Variants in GSTM2 observed in about 807,000 individuals in gnomAD.
GSTM2 encodes the protein glutathione S-transferase mu 2.
Under a neutral mutation model 33.3 loss-of-function variants are expected in GSTM2, and 33 were observed. The ratio of observed to expected loss-of-function variants is 0.99; its 90% CI spans 0.75 to 1.33. GSTM2 has a LOEUF of 1.33. Among genes scored for constraint, GSTM2 ranks in the 40% most tolerant of loss-of-function variants. The pLI, the probability that GSTM2 is intolerant of heterozygous loss-of-function variation, is 0.00. For missense variants in GSTM2, 213 were observed against 265.8 expected (o/e 0.80, Z 1.38); for synonymous variants, 93 against 95.6 (o/e 0.97, Z 0.16).
In GSTM2 at chr1:109,668,757, A is replaced by G; in HGVS notation, c.113-168A>G. ...GAAGCCTTAGCTGTGTGGGGTCCAG[A>G]GCCCTCACTGGAATTCTTTTTCTCT... On this transcript the variant is annotated intron_variant, in intron 2 of 7. Transcript: ENST00000241337. The G allele has an allele frequency of 3.4e-6, 3 of 879,338 alleles. No homozygotes were observed. The South Asian group carries it at 4.6e-5, about 13-fold the overall frequency. The allele number at this position is 879,338 out of a possible 1,614,324, so 54.5% of individuals were successfully genotyped here.
At chr1:109,674,681 G>A in intron 7 of GSTM2, 66 bp from the exon 8 acceptor site, 6 of 1,612,084 alleles carry the variant, frequency 3.7e-6, no homozygotes, top group Non-Finnish European at 5.1e-6. Flanking sequence ...TGTGTCTGCA[G>A]TGGGGTTGTG....
chr1:109,672,917 C>T (rs144708294), intron 7 of GSTM2, among the ~76,000 whole-genome samples: 2,066 of 150,004 alleles, frequency 0.014, 47 homozygotes, highest in African/African-American at 0.045. Context: ...TCACCCAGGC[C>T]GGAGTGCAGT....
intron 5 of GSTM2, 31 bp downstream of exon 5, chr1:109,669,602 C>T (rs1410983980): frequency 7.6e-7 from 1 of 1,321,934 alleles, no homozygotes; most frequent in South Asian, 1.2e-5. Flanking sequence ...CCCAGTCTCC[C>T]CTTCCCTACT....
rs140199111 is a variant in GSTM2 at position 109,668,149 on chromosome 1, G to T, written c.34G>T (p.Gly12Trp). The change falls in exon 1 of 8, where the codon GGG becomes TGG. Residue 12 changes from glycine to tryptophan, a missense_variant and splice_region_variant. Transcript: ENST00000241337. The stretch of plus-strand genomic sequence containing the variant: ...GACACTGGGGTACTGGAACATCCGC[G>T]GGGTGAGCCAGGGTCCGCTGGGCGG... The part of the protein sequence containing the change: ...PMTLGYWNIR[G>W]LAHSIRLLLE... 3.1e-6 allele frequency: 5 copies of T among 1,613,536 alleles called. No homozygotes were observed. In the African/African-American group the frequency reaches 6.7e-5, roughly 22 times the overall value.
intron 7 of GSTM2, among the ~76,000 whole-genome samples, chr1:109,671,998 A>G (rs1253215747): frequency 2.2e-5 from 3 of 138,518 alleles, no homozygotes; most frequent in African/African-American, 8.2e-5. Flanking sequence ...AAAAAAAAGG[A>G]GCCGGGCATG....
chr1:109,680,084 C>T (rs1373489493), downstream of GSTM2, among the ~76,000 whole-genome samples: 1 of 151,326 alleles, frequency 6.6e-6, no homozygotes, highest in Non-Finnish European at 1.5e-5. Context: ...GGCCTTTAGA[C>T]TCACACTGAA....
chr1:109,676,516 G>A (rs191108850), downstream of GSTM2, among the ~76,000 whole-genome samples: 4 of 151,892 alleles, frequency 2.6e-5, no homozygotes, highest in Non-Finnish European at 2.9e-5. Context: ...GTGCCCAGCC[G>A]ATTTTTGTAT....
At chr1:109,682,460 TTG>T (rs1647876685) in intron 7 of GSTM2, among the ~76,000 whole-genome samples, 1 of 78,914 alleles carries the variant, frequency 1.3e-5, no homozygotes, top group African/African-American at 3.7e-5. Context: ...CAGGATGGTC[TTG>T]ATCTCCTGAC....
At chr1:109,679,145 T>C (rs1647792200), downstream of GSTM2, among the ~76,000 whole-genome samples, 1 of 151,864 alleles carries the variant, frequency 6.6e-6, no homozygotes, top group African/African-American at 2.4e-5. Flanking sequence ...CGCGATTTCA[T>C]CTTATGATTT....
chr1:109,668,779 C>A, intron 2 of GSTM2, 146 bp from the exon 3 acceptor site: 1 of 1,028,748 alleles, frequency 9.7e-7, no homozygotes, highest in Non-Finnish European at 1.5e-6. Context: ...AATTCTTTTT[C>A]TCTGAATCCT....
chr1:109,674,558 A>G (rs1248361243), intron 7 of GSTM2, among the ~76,000 whole-genome samples, 189 bp from the exon 8 acceptor site: 4 of 152,192 alleles, frequency 2.6e-5, no homozygotes, highest in Non-Finnish European at 5.9e-5. Context: ...GTACAACATT[A>G]CTTAAAGGAA....
chr1:109,673,886 G>A (rs144453513), intron 7 of GSTM2, among the ~76,000 whole-genome samples: 1,886 of 152,182 alleles, frequency 0.012, 16 homozygotes, highest in South Asian at 0.028. Flanking sequence ...GGTGTGAGCC[G>A]GATGTTTTTG....
intron 2 of GSTM2, 113 bp downstream of exon 2, chr1:109,668,613 C>A: frequency 2.5e-6 from 3 of 1,224,108 alleles, no homozygotes; most frequent in Non-Finnish European, 3.6e-6. Flanking sequence ...GAACTGCAGG[C>A]TGTCCCTTCC....
chr1:109,680,087 A>C (rs1220465204), downstream of GSTM2, among the ~76,000 whole-genome samples: 1 of 151,250 alleles, frequency 6.6e-6, no homozygotes, highest in East Asian at 1.9e-4. Flanking sequence ...CTTTAGACTC[A>C]CACTGAATGA....
At chr1:109,672,773 G>A (rs1269069318) in intron 7 of GSTM2, among the ~76,000 whole-genome samples, 2 of 152,220 alleles carry the variant, frequency 1.3e-5, no homozygotes, top group Admixed American at 1.3e-4. Flanking sequence ...AGCCAGGGCT[G>A]TGGCTGGAGC....
chr1:109,669,822 AG>A (rs1470851552), intron 5 of GSTM2: 2 of 498,252 alleles, frequency 4.0e-6, no homozygotes, highest in South Asian at 2.7e-5. Flanking sequence ...TGCTGACTTC[AG>A]GGGTGAAGCC....
downstream of GSTM2, among the ~76,000 whole-genome samples, chr1:109,680,224 G>C (rs1191557194): frequency 2.7e-5 from 4 of 150,930 alleles, no homozygotes; most frequent in African/African-American, 4.9e-5. Context: ...TTTCCTACAG[G>C]CTTATCTTAG....
downstream of GSTM2, among the ~76,000 whole-genome samples, chr1:109,677,112 A>T (rs777430333): frequency 6.6e-6 from 1 of 152,242 alleles, no homozygotes; most frequent in Non-Finnish European, 1.5e-5. Context: ...ATTAGACAGC[A>T]GAAAGTTAAA....
chr1:109,677,077 A>T (rs555528698), downstream of GSTM2, among the ~76,000 whole-genome samples: 6 of 152,358 alleles, frequency 3.9e-5, no homozygotes, highest in African/African-American at 1.4e-4. Context: ...ATGGCCACTA[A>T]GCTCATGAGA....
Sources: allele counts gnomAD v4.1 joint callset (sites outside exome capture counted in the v4.1 genomes callset), GRCh38; gene constraint gnomAD v4.1.1; transcripts MANE v1.5; gene names NCBI Gene and HGNC (gene_info 2026-07-23, HGNC 2026-07-21).